CSMD1: variants seen among roughly 807,000 people sequenced by gnomAD.
The protein encoded by CSMD1 is CUB and Sushi multiple domains 1, also known as CUB and sushi domain-containing protein 1.
CSMD1 carries 213 observed loss-of-function variants against 417.5 expected under a neutral mutation model. The ratio of observed to expected loss-of-function variants is 0.51; its 90% CI spans 0.46 to 0.57. The LOEUF (loss-of-function observed/expected upper bound fraction) is 0.57. CSMD1 is among the 20% of genes least tolerant of loss of function. The pLI, the probability that CSMD1 is intolerant of heterozygous loss-of-function variation, is 0.00. For missense variants in CSMD1, 6,923 were observed against 4,529.7 expected (o/e 1.53, Z -15.17); for synonymous variants, 2,862 against 1,736.8 (o/e 1.65, Z -16.11).
chr8:4,979,455 G>A (rs537578192), intron 1 of CSMD1, among the ~76,000 whole-genome samples: 121 of 152,252 alleles, frequency 7.9e-4, no homozygotes, highest in African/African-American at 2.9e-3. Context: ...AGCAGATGCC[G>A]TCAAAGGTAC....
chr8:4,321,730 A>T (rs1026745716), intron 3 of CSMD1, among the ~76,000 whole-genome samples: 8 of 152,210 alleles, frequency 5.3e-5, no homozygotes, highest in African/African-American at 1.9e-4. Flanking sequence ...TTTCCAAATT[A>T]TTACTATACG....
At chr8:3,230,355 T>C in intron 26 of CSMD1, 124 bp from the exon 27 acceptor site, 5 of 604,492 alleles carry the variant, frequency 8.3e-6, no homozygotes, top group Middle Eastern at 9.6e-4. Flanking sequence ...TGTCTACACA[T>C]GAACATACGA....
chr8:3,940,537 A>G lies in CSMD1; in HGVS notation c.818+57366T>C, dbSNP rs796798427. ...TGTGTGTGTGTGTGTGTGTGTGTGT[A>G]TGTATGTGTACATAGGTTTCTTTGT... On this transcript the variant is annotated intron_variant, in intron 5 of 69. Coordinates refer to ENST00000635120, the MANE Select transcript of CSMD1 (RefSeq NM_033225.6). Among the ~76,000 whole-genome samples, 37 of 114,858 alleles carry G rather than the reference A, an allele frequency of 3.2e-4. No individual in the cohort carries two copies. The East Asian group carries it at 4.0e-3, about 12-fold the overall frequency. The allele number at this position is 114,858 out of a possible 152,430, so 75.4% of individuals were successfully genotyped here.
chr8:3,240,407 A>C (rs951791354), intron 26 of CSMD1, among the ~76,000 whole-genome samples: 2 of 134,862 alleles, frequency 1.5e-5, no homozygotes, highest in Admixed American at 1.6e-4. Context: ...AAAGTATCCA[A>C]CCATGCCTAG....
At chr8:3,234,442 C>G (rs1303251390) in intron 26 of CSMD1, among the ~76,000 whole-genome samples, 1 of 152,070 alleles carries the variant, frequency 6.6e-6, no homozygotes, top group Non-Finnish European at 1.5e-5. Flanking sequence ...TATCATTACT[C>G]GTGTTTTGAA....
rs577418135 is a variant in CSMD1, at chr8:3,133,170, C to T, written c.6241+9295G>A. On this transcript the variant is annotated intron_variant, in intron 41 of 69. Transcript: ENST00000635120. ...TTCTCCTCAGCGACCTGGGGGAGGC[C>T]GACCTGGGGCCCCTTCTTGGCTGCT... 1.7e-3 allele frequency among the ~76,000 whole-genome samples: 260 copies of T among 152,244 alleles called. 1 individual carries two copies. Among genetic ancestry groups the T allele is most frequent in the African/African-American group, 5.8e-3 (242 of 41,528 alleles).
chr8:4,163,285 G>A (rs1322259596), intron 3 of CSMD1, among the ~76,000 whole-genome samples: 1 of 152,108 alleles, frequency 6.6e-6, no homozygotes, highest in East Asian at 1.9e-4. Context: ...TTGAGAGTAT[G>A]TTTAGTTTTC....
intron 37 of CSMD1, among the ~76,000 whole-genome samples, chr8:3,163,677 C>A (rs143302179): frequency 2.0e-4 from 31 of 152,128 alleles, no homozygotes; most frequent in African/African-American, 6.5e-4. Context: ...AAACCAGCGG[C>A]CACCAAGCAC....
chr8:3,743,142 T>A (rs552544396), intron 6 of CSMD1, among the ~76,000 whole-genome samples: 1 of 152,104 alleles, frequency 6.6e-6, no homozygotes, highest in African/African-American at 2.4e-5. Context: ...GTCATGAAGG[T>A]CTTCAGGCTC....
At chr8:4,440,266 A>T (rs1366637837) in intron 2 of CSMD1, among the ~76,000 whole-genome samples, 1 of 152,206 alleles carries the variant, frequency 6.6e-6, no homozygotes, top group African/African-American at 2.4e-5. Flanking sequence ...TATATTTATA[A>T]GATGCTCACA....
chr8:3,084,002 G>T (rs911977160), intron 49 of CSMD1, among the ~76,000 whole-genome samples: 1 of 152,022 alleles, frequency 6.6e-6, no homozygotes, highest in African/African-American at 2.4e-5. Context: ...GAATCCCTTG[G>T]AAGGAAACAA....
chr8:3,331,306 G>T (rs1283098910), intron 23 of CSMD1, among the ~76,000 whole-genome samples: 1 of 151,840 alleles, frequency 6.6e-6, no homozygotes, highest in Non-Finnish European at 1.5e-5. Flanking sequence ...AGCAACTAAC[G>T]TTGATATCTG....
chr8:4,054,326 G>A (rs940010964), intron 3 of CSMD1, among the ~76,000 whole-genome samples: 2 of 152,156 alleles, frequency 1.3e-5, no homozygotes, highest in African/African-American at 4.8e-5. Context: ...CTGGGGAGCT[G>A]GGGTAGGAAT....
At chr8:3,377,353 A>G (rs1810376167) in intron 18 of CSMD1, among the ~76,000 whole-genome samples, 1 of 152,172 alleles carries the variant, frequency 6.6e-6, no homozygotes, top group African/African-American at 2.4e-5. Context: ...ACTGAGAAAC[A>G]TGTTCCAGTG....
intron 23 of CSMD1, among the ~76,000 whole-genome samples, chr8:3,322,564 G>A (rs1806221041): frequency 6.6e-6 from 1 of 152,066 alleles, no homozygotes; most frequent in South Asian, 2.1e-4. Flanking sequence ...TTCTTGTCTT[G>A]TTCCCTCAGT....
At chr8:4,224,987 C>T (rs1801262245) in intron 3 of CSMD1, among the ~76,000 whole-genome samples, 1 of 152,146 alleles carries the variant, frequency 6.6e-6, no homozygotes, top group African/African-American at 2.4e-5. Context: ...TGCCGTGCAC[C>T]TGAAATCCCA....
At chr8:3,526,599 G>A (rs1022028733) in intron 10 of CSMD1, among the ~76,000 whole-genome samples, 4 of 152,140 alleles carry the variant, frequency 2.6e-5, no homozygotes, top group African/African-American at 7.2e-5. Context: ...GGCAATGTGT[G>A]ATCCTACAAG....
In CSMD1 at chr8:4,764,645, T is replaced by G. The variant is rs184186838; in HGVS notation, c.86-127087A>C. 7.9e-5 allele frequency among the ~76,000 whole-genome samples: 12 copies of G among 151,556 alleles called. No individual in the cohort carries two copies. The East Asian group carries it at 1.9e-3, about 25-fold the overall frequency. On this transcript the variant is annotated intron_variant, in intron 1 of 69. Coordinates refer to ENST00000635120, the MANE Select transcript of CSMD1 (RefSeq NM_033225.6). Reference sequence around the variant, plus strand: ...TCTACTGGATTTAGATAATTCTCTTTGGTGTTCTTAACCCACTTTTCAAAA... The same window carrying G: ...TCTACTGGATTTAGATAATTCTCTTGGGTGTTCTTAACCCACTTTTCAAAA...
At chr8:3,870,167 G>C in intron 5 of CSMD1, among the ~76,000 whole-genome samples, 1 of 152,100 alleles carries the variant, frequency 6.6e-6, no homozygotes, top group East Asian at 1.9e-4. Context: ...TTGAATCTTG[G>C]TTAAAGAGGT....
Sources: gnomAD v4.1 joint callset for allele counts (sites outside exome capture counted in the v4.1 genomes callset) on GRCh38, gnomAD v4.1.1 for gene constraint, MANE v1.5 for transcripts, NCBI Gene and HGNC (gene_info 2026-07-23, HGNC 2026-07-21) for gene names.